The following GAN variants were observed in gnomAD, a reference collection of about 807,000 sequenced individuals.
GAN encodes gigaxonin, also known as epididymis secretory sperm binding protein.
Under a neutral mutation model 71.3 loss-of-function variants are expected in GAN, and 48 were observed. The ratio of observed to expected loss-of-function variants is 0.67; its 90% CI spans 0.53 to 0.86. The LOEUF is 0.86. Among genes scored for constraint, GAN ranks in the 40% least tolerant of loss-of-function variants. The probability of loss-of-function intolerance (pLI) is 0.00; values close to 1 mark genes in which losing one functional copy is unlikely to be tolerated. For synonymous variants in GAN, 386 were observed against 276.8 expected (o/e 1.39, Z -3.92); for missense variants, 928 against 770.1 (o/e 1.21, Z -2.43).
intron 1 of GAN, among the ~76,000 whole-genome samples, chr16:81,333,980 C>T (rs1256136659): frequency 6.6e-6 from 1 of 152,212 alleles, no homozygotes; most frequent in Non-Finnish European, 1.5e-5. Context: ...CATTGCACTG[C>T]CTTCCCGTTT....
In GAN at chr16:81,363,157, G is replaced by A. The variant is rs144174841; in HGVS notation, c.1086+546G>A. 1.5e-3 allele frequency among the ~76,000 whole-genome samples: 234 copies of A among 152,324 alleles called. 1 individual carries two copies. Among genetic ancestry groups the A allele is most frequent in the Non-Finnish European group, 2.8e-3 (193 of 68,026 alleles). On this transcript the variant is annotated intron_variant, in intron 6 of 10. Transcript: ENST00000648994. ...TCCCAAATAGCCTTGGCCTGACCCT[G>A]TCCTCCACAGCCCTTTCTGCCATAG...
intron 9 of GAN, among the ~76,000 whole-genome samples, chr16:81,373,272 C>G (rs1305878482): frequency 6.6e-6 from 1 of 152,174 alleles, no homozygotes; most frequent in Admixed American, 6.5e-5. Flanking sequence ...AGGCCTGGAC[C>G]TTGGTAACTC....
At chr16:81,350,359 C>G (rs563756307) in intron 1 of GAN, among the ~76,000 whole-genome samples, 1 of 152,252 alleles carries the variant, frequency 6.6e-6, no homozygotes, top group African/African-American at 2.4e-5. Flanking sequence ...GTGACAGATT[C>G]AAATGTTGTA....
chr16:81,371,474 T>A (rs1159747085), intron 9 of GAN, among the ~76,000 whole-genome samples: 2 of 152,216 alleles, frequency 1.3e-5, no homozygotes, highest in East Asian at 3.9e-4. Context: ...TAGTCAGCAA[T>A]TGACTTGGTT....
At chr16:81,367,065 C>T (rs552071811) in intron 9 of GAN, among the ~76,000 whole-genome samples, 6 of 152,170 alleles carry the variant, frequency 3.9e-5, no homozygotes, top group Admixed American at 1.3e-4. Flanking sequence ...CTTAATGATC[C>T]GCCCGCCTCA....
chr16:81,323,950 A>G (rs1416355889), intron 1 of GAN, among the ~76,000 whole-genome samples: 1 of 152,238 alleles, frequency 6.6e-6, no homozygotes, highest in Non-Finnish European at 1.5e-5. Flanking sequence ...GGAGAAGGAA[A>G]TAAACATAAA....
At chr16:81,351,948 C>G (rs1249193205) in intron 2 of GAN, among the ~76,000 whole-genome samples, 1 of 152,186 alleles carries the variant, frequency 6.6e-6, no homozygotes, top group Non-Finnish European at 1.5e-5. Context: ...CTGAGCTCCA[C>G]CTTCTCATAT....
intron 9 of GAN, 126 bp from the exon 10 acceptor site, chr16:81,377,093 G>C: frequency 1.3e-6 from 1 of 773,138 alleles, no homozygotes; most frequent in South Asian, 1.4e-5. Context: ...GCAGTGGAAC[G>C]TGGGGTCGAG....
At chr16:81,366,932 C>G (rs561846228) in intron 9 of GAN, among the ~76,000 whole-genome samples, 6 of 152,288 alleles carry the variant, frequency 3.9e-5, no homozygotes, top group African/African-American at 1.4e-4. Context: ...TCAAGCGATT[C>G]TTCCACCTCG....
chr16:81,349,933 A>T (rs1320910770), intron 1 of GAN, among the ~76,000 whole-genome samples: 1 of 152,148 alleles, frequency 6.6e-6, no homozygotes, highest in East Asian at 1.9e-4. Flanking sequence ...TTTCAAAGCT[A>T]TTTTTAAATT....
At chr16:81,351,823 T>G in intron 2 of GAN, 126 bp downstream of exon 2, 1 of 722,318 alleles carries the variant, frequency 1.4e-6, no homozygotes, top group Non-Finnish European at 2.5e-6. Flanking sequence ...CTGTGTGCAT[T>G]GACTGACATT....
Position 81,362,313 on chromosome 16 carries a change from A to G in GAN, c.974-186A>G, listed in dbSNP as rs8055288. ...CTCAAAGACAGTAATGAGTAAAGCA[A>G]AATGGTCAAAGTGATGGTTTGGCTC... On this transcript the variant is annotated intron_variant, in intron 5 of 10. Coordinates refer to ENST00000648994, the MANE Select transcript of GAN (RefSeq NM_022041.4). Among the ~76,000 whole-genome samples the G allele has an allele frequency of 0.42, 63,450 of 152,042 alleles. 13,964 individuals are homozygous for G. Among genetic ancestry groups the G allele is most frequent in the Middle Eastern group, 0.54 (158 of 294 alleles).
intron 1 of GAN, among the ~76,000 whole-genome samples, chr16:81,318,399 A>C (rs1909115878): frequency 6.6e-6 from 1 of 152,200 alleles, no homozygotes; most frequent in African/African-American, 2.4e-5. Context: ...ATGGTAGCTC[A>C]CACCTGTAAT....
chr16:81,368,153 C>G (rs1348956149), intron 9 of GAN, among the ~76,000 whole-genome samples: 1 of 152,194 alleles, frequency 6.6e-6, no homozygotes, highest in African/African-American at 2.4e-5. Flanking sequence ...AAAAGCAAAA[C>G]TGCTTGAAAG....
chr16:81,338,268 A>G (rs1246038858), intron 1 of GAN, among the ~76,000 whole-genome samples: 1 of 152,186 alleles, frequency 6.6e-6, no homozygotes, highest in Non-Finnish European at 1.5e-5. Context: ...TTGTAAATTG[A>G]CATCATGTAA....
chr16:81,364,864 TC>T, intron 7 of GAN, 109 bp from the exon 8 acceptor site: 1 of 1,093,530 alleles, frequency 9.1e-7, no homozygotes, highest in Non-Finnish European at 1.4e-6. Flanking sequence ...CGGTTAGAAA[TC>T]AAACCCCTTC....
Position 81,356,888 on chromosome 16 carries a change from A to G in GAN, c.737A>G (p.Lys246Arg). ...LNEPLVREIVKECSNIPLSQP... is the reference protein window; with the variant it reads ...LNEPLVREIVRECSNIPLSQP... ...GAACCATTAGTACGAGAAATTGTCAAAGAGTGTAGCAATATACCGCTCAGC... is the reference window on the plus strand; with the variant it reads ...GAACCATTAGTACGAGAAATTGTCAGAGAGTGTAGCAATATACCGCTCAGC... Residue 246 changes from lysine to arginine, a missense_variant, in exon 4 of 11, where the codon AAA (lysine) becomes AGA (arginine). Transcript: ENST00000648994. 6.2e-7 allele frequency: 1 copy of G among 1,613,928 alleles called. No homozygotes were observed. Among genetic ancestry groups the G allele is most frequent in the Non-Finnish European group, 8.5e-7 (1 of 1,179,822 alleles).
rs1908982980 is a variant in GAN at position 81,315,106 on chromosome 16, G to T, written c.-8G>T. 3 of 1,487,544 alleles carry T rather than the reference G, an allele frequency of 2.0e-6. No homozygotes were observed. The highest frequency in any genetic ancestry group is 4.7e-4 in the Middle Eastern group (2 of 4,294). 92.1% of individuals were successfully genotyped at this position (1,487,544 alleles called of 1,614,324 possible). On this transcript the variant is annotated 5_prime_UTR_variant, in exon 1 of 11. Coordinates refer to ENST00000648994, the MANE Select transcript of GAN (RefSeq NM_022041.4). The stretch of plus-strand genomic sequence containing the variant: ...GCCGGACCCGTCGGCAGAGGAGCGG[G>T]CGCCGCGATGGCTGAGGGCAGTGCC...
Position 81,351,670 on chromosome 16 carries a change from G to A in GAN, c.255G>A (p.Glu85=), listed in dbSNP as rs911350150. 3.9e-6 allele frequency: 6 copies of A among 1,523,108 alleles called. No individual in the cohort carries two copies. Among genetic ancestry groups the A allele is most frequent in the African/African-American group, 1.4e-5 (1 of 73,224 alleles). 94.3% of individuals were successfully genotyped at this position (1,523,108 alleles called of 1,614,324 possible). ...GGATATCGGTAATGGTTATGAGAGA[G>A]ATCCTGGATTACATCTTCAGTGGGC... ...LEGISVMVMR[E]ILDYIFSGQI... is the part of the protein sequence containing the mutation. The change falls in exon 2 of 11, where the codon GAG becomes GAA. Residue 85 remains glutamate (E), a synonymous_variant. Transcript: ENST00000648994.
Sources: gnomAD v4.1 joint callset for allele counts (sites outside exome capture counted in the v4.1 genomes callset) on GRCh38, gnomAD v4.1.1 for gene constraint, MANE v1.5 for transcripts, NCBI Gene and HGNC (gene_info 2026-07-23, HGNC 2026-07-21) for gene names.